TEX9: variants seen among roughly 807,000 people sequenced by gnomAD.
The protein encoded by TEX9 is testis-expressed protein 9.
In TEX9, 74 loss-of-function variants were observed where a neutral mutation model predicts 59.6. The observed-to-expected ratio is 1.24, with a 90% CI of 1.03 to 1.51. TEX9 has a LOEUF of 1.51. Ranked by LOEUF, TEX9 falls within the 40% of genes most tolerant of loss-of-function variation. TEX9 has a pLI of 0.00. For synonymous variants in TEX9, 186 were observed against 152.2 expected (o/e 1.22, Z -1.64); for missense variants, 522 against 447.8 (o/e 1.17, Z -1.49).
intron 1 of TEX9, among the ~76,000 whole-genome samples, chr15:56,334,782 T>C (rs1225257484): frequency 6.6e-6 from 1 of 152,016 alleles, no homozygotes; most frequent in African/African-American, 2.4e-5. Context: ...CCAGAATATA[T>C]AAGGAGCTCA....
At chr15:56,300,708 G>GGGGAGAGAGA (rs1160272154) in intron 1 of TEX9, among the ~76,000 whole-genome samples, 2 of 102,670 alleles carry the variant, frequency 1.9e-5, no homozygotes, top group Non-Finnish European at 3.9e-5. Flanking sequence ...AGAGAGAGAG[G>GGGGAGAGAGA]GAGAGAGAGA....
At chr15:56,290,420 CA>C (rs1359112735) in intron 1 of TEX9, among the ~76,000 whole-genome samples, 1 of 152,042 alleles carries the variant, frequency 6.6e-6, no homozygotes, top group Non-Finnish European at 1.5e-5. Flanking sequence ...CTTGGTGTCT[CA>C]GGTATGTTGA....
At chr15:56,434,101 T>G in intron 12 of TEX9, 1 of 1,591,980 alleles carries the variant, frequency 6.3e-7, no homozygotes. Context: ...TGCTGTTTAA[T>G]GATAATGACC....
downstream of TEX9, among the ~76,000 whole-genome samples, chr15:56,450,079 C>T (rs1160907399): frequency 1.3e-5 from 2 of 152,150 alleles, no homozygotes; most frequent in South Asian, 2.1e-4. Context: ...CTTCCTCCTA[C>T]CTTCTTTTTG....
At position 56,394,651 on chromosome 15, in the gene TEX9, A is replaced by G. The variant is rs372468345; in HGVS notation, c.655-10A>G. 5.2e-6 allele frequency: 8 copies of G among 1,528,720 alleles called. No individual in the cohort carries two copies. The East Asian group carries it at 9.1e-5, about 17-fold the overall frequency. 94.7% of individuals were successfully genotyped at this position (1,528,720 alleles called of 1,614,324 possible). A position where few individuals can be genotyped will look rare whatever the true frequency, so the allele number is the denominator to read the frequency against. The stretch of plus-strand genomic sequence containing the variant: ...ATTTTTTCACATAATCTATAACTTT[A>G]TAACTATAGGAGGATGAAATTCAGA... On this transcript the variant is annotated splice_polypyrimidine_tract_variant and intron_variant, in intron 8 of 12. Coordinates refer to ENST00000352903, the Ensembl canonical transcript of TEX9.
At chr15:56,286,046 C>T (rs1331117380) in intron 1 of TEX9, among the ~76,000 whole-genome samples, 2 of 152,150 alleles carry the variant, frequency 1.3e-5, no homozygotes, top group African/African-American at 4.8e-5. Flanking sequence ...TATGACTTCA[C>T]CTTTATTCAG....
intron 1 of TEX9, among the ~76,000 whole-genome samples, chr15:56,280,493 T>C (rs1339538326): frequency 6.6e-6 from 1 of 152,212 alleles, no homozygotes; most frequent in East Asian, 1.9e-4. Flanking sequence ...ATGATAGATA[T>C]AACTTCTCTG....
chr15:56,304,557 A>G (rs1205761226), intron 1 of TEX9, among the ~76,000 whole-genome samples: 2 of 152,148 alleles, frequency 1.3e-5, no homozygotes, highest in African/African-American at 4.8e-5. Flanking sequence ...TGATCTGTGT[A>G]TGTAGAACTA....
intron 10 of TEX9, among the ~76,000 whole-genome samples, chr15:56,415,742 G>T (rs1430018106): frequency 6.6e-6 from 1 of 151,848 alleles, no homozygotes; most frequent in Non-Finnish European, 1.5e-5. Context: ...GGTTCCATGT[G>T]AATTTTTAAA....
At chr15:56,388,889 T>C (rs1356522828) in intron 5 of TEX9, among the ~76,000 whole-genome samples, 1 of 151,982 alleles carries the variant, frequency 6.6e-6, no homozygotes, top group African/African-American at 2.4e-5. Flanking sequence ...ATAGTGACAG[T>C]GTAGAGATCA....
At chr15:56,304,488 A>G (rs576505619) in intron 1 of TEX9, among the ~76,000 whole-genome samples, 3 of 152,322 alleles carry the variant, frequency 2.0e-5, no homozygotes, top group Non-Finnish European at 4.4e-5. Flanking sequence ...TTCAGCATCT[A>G]TTAAAATGAT....
intron 1 of TEX9, among the ~76,000 whole-genome samples, chr15:56,283,492 T>G (rs1374926943): frequency 6.6e-6 from 1 of 152,168 alleles, no homozygotes; most frequent in East Asian, 1.9e-4. Context: ...ATAAAAGATA[T>G]TTAATCAATG....
intron 12 of TEX9, among the ~76,000 whole-genome samples, chr15:56,433,832 C>T (rs1186028798): frequency 2.0e-5 from 3 of 152,142 alleles, no homozygotes; most frequent in Non-Finnish European, 2.9e-5. Flanking sequence ...CCTATTATCA[C>T]ATGTACATGA....
upstream of TEX9, among the ~76,000 whole-genome samples, chr15:56,363,394 C>G (rs2141929737): frequency 1.3e-5 from 2 of 151,976 alleles, no homozygotes; most frequent in South Asian, 4.2e-4. Flanking sequence ...GTCTCAAACT[C>G]TTGACCTCTG....
intron 6 of TEX9, among the ~76,000 whole-genome samples, chr15:56,391,012 T>C (rs1004342763): frequency 2.6e-5 from 4 of 152,108 alleles, no homozygotes; most frequent in African/African-American, 9.7e-5. Context: ...TCTCTTGTAA[T>C]ATAGTCCTTG....
At chr15:56,244,666 G>T (rs1241693786) in intron 1 of TEX9, among the ~76,000 whole-genome samples, 2 of 139,932 alleles carry the variant, frequency 1.4e-5, no homozygotes, top group African/African-American at 5.3e-5. Context: ...AGCTCAAGTC[G>T]CGGCTTGTCA....
chr15:56,425,264 T>C (rs1272304942), intron 10 of TEX9, among the ~76,000 whole-genome samples: 1 of 152,216 alleles, frequency 6.6e-6, no homozygotes, highest in Non-Finnish European at 1.5e-5. Flanking sequence ...TGTATTTGTG[T>C]ATCCATTTCT....
At chr15:56,344,102 G>T (rs889608382) in intron 1 of TEX9, among the ~76,000 whole-genome samples, 1 of 152,130 alleles carries the variant, frequency 6.6e-6, no homozygotes, top group Middle Eastern at 3.2e-3. Context: ...TTGGAAAACA[G>T]TTTGATAGTT....
At chr15:56,313,161 G>T (rs562908909) in intron 1 of TEX9, among the ~76,000 whole-genome samples, 3 of 151,548 alleles carry the variant, frequency 2.0e-5, no homozygotes, top group African/African-American at 7.3e-5. Context: ...TAATTGCCCT[G>T]GCCAGAACTT....
Sources: gnomAD v4.1 joint callset for allele counts (sites outside exome capture counted in the v4.1 genomes callset) on GRCh38, gnomAD v4.1.1 for gene constraint, MANE v1.5 for transcripts, NCBI Gene and HGNC (gene_info 2026-07-23, HGNC 2026-07-21) for gene names.